The following ASIC1 variants were observed in gnomAD, a reference collection of about 807,000 sequenced individuals.
ASIC1 encodes the protein acid sensing ion channel subunit 1.
ASIC1 carries 21 observed loss-of-function variants against 63.4 expected under a neutral mutation model. The observed-to-expected ratio is 0.33, with a 90% CI of 0.23 to 0.48. The LOEUF is 0.48. ASIC1 is among the 20% of genes least tolerant of loss of function. The pLI is 0.99. For synonymous variants in ASIC1, 258 were observed against 278.2 expected (o/e 0.93, Z 0.72); for missense variants, 478 against 695.5 (o/e 0.69, Z 3.52).
chr12:50,083,610 C>T lies in ASIC1; in HGVS notation c.*1961C>T, dbSNP rs539664577. The T allele has an allele frequency of 6.5e-6, 1 of 152,794 alleles. No individual in the cohort carries two copies. The highest frequency in any genetic ancestry group is 2.1e-4 in the South Asian group (1 of 4,830). The allele number at this position is 152,794 out of a possible 1,614,324, so 9.5% of individuals were successfully genotyped here. ...CTGGTCTAATAAACTGGGTTTCAAC[C>T]ATCTCCTCTTCAGTGTTGTTCTCTT... On this transcript the variant is annotated 3_prime_UTR_variant, in exon 12 of 12. Transcript: ENST00000447966.
Position 50,058,977 on chromosome 12 carries a change from T to TACC in ASIC1, c.216_218dup (p.His73dup), listed in dbSNP as rs1484102757. 1 of 1,614,196 alleles carries TACC rather than the reference T, an allele frequency of 6.2e-7. No individual in the cohort carries two copies. Among genetic ancestry groups the TACC allele is most frequent in the Non-Finnish European group, 8.5e-7 (1 of 1,180,028 alleles). ...GGAGCGTGTGCAGTACTACTTCCAC[T>TACC]ACCACCATGTCACCAAGCTCGACGA... is the stretch of plus-strand genomic sequence containing the variant. On this transcript the variant is annotated inframe_insertion, in exon 2 of 12. Transcript: ENST00000447966.
At chr12:50,064,483 C>G (rs1950528786) in intron 3 of ASIC1, among the ~76,000 whole-genome samples, 1 of 152,218 alleles carries the variant, frequency 6.6e-6, no homozygotes, top group Non-Finnish European at 1.5e-5. Context: ...TCTCAGACAG[C>G]TATCAGCTAA....
chr12:50,074,946 C>T lies in ASIC1; in HGVS notation c.559-2267C>T, dbSNP rs1950639788. 6.6e-6 allele frequency among the ~76,000 whole-genome samples: 1 copy of T among 151,722 alleles called. No homozygotes were observed. ...ACAGGTCTCTAAATCATATCCCTCT[C>T]CCCAGCTTTAAGTGGCCAGGGACCC... is the stretch of plus-strand genomic sequence containing the variant. On this transcript the variant is annotated intron_variant, in intron 3 of 11. Transcript: ENST00000447966. This position sits in a 1 kb window ranked among gnomAD's most constrained non-coding sequence, Gnocchi z 4.2.
intron 3 of ASIC1, 99 bp from the exon 4 acceptor site, chr12:50,077,114 A>G: frequency 6.3e-7 from 1 of 1,575,306 alleles, no homozygotes; most frequent in East Asian, 2.2e-5. Context: ...CCATTCCCAA[A>G]GGGTGTTGAG....
In ASIC1 at chr12:50,059,629, T is replaced by G; in HGVS notation, c.363-130T>G. 1 of 947,088 alleles carries G rather than the reference T, an allele frequency of 1.1e-6. No homozygotes were observed. Among genetic ancestry groups the G allele is most frequent in the South Asian group, 1.7e-5 (1 of 59,070 alleles). The allele number at this position is 947,088 out of a possible 1,614,324, so 58.7% of individuals were successfully genotyped here. On this transcript the variant is annotated intron_variant, in intron 2 of 11. Coordinates refer to ENST00000447966, the MANE Select transcript of ASIC1 (RefSeq NM_001095.4). The surrounding 1 kb of genome is among the most constrained non-coding windows in gnomAD (Gnocchi z 4.6). ...AGACCCATGTGGTAGAGCCTCTGCATGCCCAGCTCTCCTTCCTTGCCTACA... is the reference window on the plus strand; with the variant it reads ...AGACCCATGTGGTAGAGCCTCTGCAGGCCCAGCTCTCCTTCCTTGCCTACA...
intron 3 of ASIC1, among the ~76,000 whole-genome samples, chr12:50,060,250 G>A (rs1950489109): frequency 6.6e-6 from 1 of 152,222 alleles, no homozygotes; most frequent in African/African-American, 2.4e-5. Context: ...AACCCACCAA[G>A]CTTACCTTCT....
At chr12:50,070,143 C>T (rs894181789) in intron 3 of ASIC1, among the ~76,000 whole-genome samples, 1 of 152,056 alleles carries the variant, frequency 6.6e-6, no homozygotes, top group African/African-American at 2.4e-5. Flanking sequence ...GGGTGGGGGG[C>T]GCTGTATGCT....
rs1361979841 is a variant in ASIC1, at chr12:50,074,732, G to A, written c.559-2481G>A. On this transcript the variant is annotated intron_variant, in intron 3 of 11. Coordinates refer to ENST00000447966, the MANE Select transcript of ASIC1 (RefSeq NM_001095.4). This position sits in a 1 kb window ranked among gnomAD's most constrained non-coding sequence, Gnocchi z 4.2. Reference sequence around the variant, plus strand: ...AGAAGGGAGTGAAAGGGTGACAGTAGAGGGGTGGGGATATCCCCCAACCCC... The same window carrying A: ...AGAAGGGAGTGAAAGGGTGACAGTAAAGGGGTGGGGATATCCCCCAACCCC... 1.3e-5 allele frequency among the ~76,000 whole-genome samples: 2 copies of A among 152,002 alleles called. No individual in the cohort carries two copies. The highest frequency in any genetic ancestry group is 2.4e-5 in the African/African-American group (1 of 41,334).
chr12:50,071,916 G>A (rs1379154014), intron 3 of ASIC1, among the ~76,000 whole-genome samples: 2 of 152,188 alleles, frequency 1.3e-5, no homozygotes, highest in Admixed American at 1.3e-4. Flanking sequence ...CTGTTGTTTA[G>A]GCAAAAGAGG....
At chr12:50,069,174 A>G (rs1325473218) in intron 3 of ASIC1, among the ~76,000 whole-genome samples, 2 of 151,098 alleles carry the variant, frequency 1.3e-5, no homozygotes, top group African/African-American at 4.9e-5. Context: ...CCACAGCGGT[A>G]AGCGCTAGTG....
At chr12:50,073,373 G>A (rs1950618276) in intron 3 of ASIC1, among the ~76,000 whole-genome samples, 1 of 152,178 alleles carries the variant, frequency 6.6e-6, no homozygotes, top group Admixed American at 6.5e-5. Flanking sequence ...GCCCTCCCTG[G>A]CAGGGCAGGC....
intron 3 of ASIC1, among the ~76,000 whole-genome samples, chr12:50,065,105 T>G (rs1449338491): frequency 6.6e-6 from 1 of 152,158 alleles, no homozygotes; most frequent in East Asian, 1.9e-4. Context: ...AATATGTTGG[T>G]GTCTCCCCAG....
chr12:50,058,592 C>G (rs1025549231), intron 1 of ASIC1, among the ~76,000 whole-genome samples, 159 bp from the exon 2 acceptor site: 7 of 152,184 alleles, frequency 4.6e-5, no homozygotes, highest in Admixed American at 4.6e-4. Flanking sequence ...CTGGATGTGT[C>G]CCTTGGTCAG....
At chr12:50,080,955 A>C in intron 9 of ASIC1, 147 bp from the exon 10 acceptor site, 1 of 859,602 alleles carries the variant, frequency 1.2e-6, no homozygotes, top group East Asian at 2.7e-5. Flanking sequence ...GAAAACAAAA[A>C]TTCCACCTGA....
chr12:50,081,220 G>A (rs1243139358), intron 10 of ASIC1, 39 bp downstream of exon 10: 2 of 1,605,258 alleles, frequency 1.2e-6, no homozygotes, highest in Non-Finnish European at 1.7e-6. Flanking sequence ...CCACGTGGGG[G>A]CGGGGTCCAG....
chr12:50,080,456 A>C (rs1277456448), intron 8 of ASIC1, 42 bp from the exon 9 acceptor site: 3 of 1,584,342 alleles, frequency 1.9e-6, no homozygotes, highest in East Asian at 2.2e-5. Flanking sequence ...AGAGATAGAG[A>C]TATGACTTGA....
At chr12:50,069,499 G>A (rs1488715965) in intron 3 of ASIC1, among the ~76,000 whole-genome samples, 1 of 152,018 alleles carries the variant, frequency 6.6e-6, no homozygotes, top group Non-Finnish European at 1.5e-5. Flanking sequence ...TCACCATGGT[G>A]GCCAGGCTGG....
Position 50,082,203 on chromosome 12 carries a change from A to G in ASIC1, c.*554A>G, listed in dbSNP as rs1280730658. The G allele has an allele frequency of 6.4e-6, 1 of 155,428 alleles. No homozygotes were observed. The highest frequency in any genetic ancestry group is 2.4e-5 in the African/African-American group (1 of 41,452). The allele number at this position is 155,428 out of a possible 1,614,324, so 9.6% of individuals were successfully genotyped here. On this transcript the variant is annotated 3_prime_UTR_variant, in exon 12 of 12. Transcript: ENST00000447966. The stretch of plus-strand genomic sequence containing the variant: ...TAAAACCTCAGCCCCACTCTCTCAC[A>G]CCATGTGGAATCTCGTGGGGGTCGG...
chr12:50,080,854 A>G, intron 9 of ASIC1: 1 of 895,246 alleles, frequency 1.1e-6, no homozygotes, highest in East Asian at 2.6e-5. Flanking sequence ...CCCTAAACTA[A>G]GAGGGTTGTG....
Sources: gnomAD v4.1 joint callset for allele counts (sites outside exome capture counted in the v4.1 genomes callset) on GRCh38, gnomAD v4.1.1 for gene constraint, Gnocchi (gnomAD v3.1) non-coding constraint, MANE v1.5 for transcripts, NCBI Gene and HGNC (gene_info 2026-07-23, HGNC 2026-07-21) for gene names.